Variants in LMBR1 observed in about 807,000 individuals in gnomAD.
The protein encoded by LMBR1 is limb region 1 protein homolog.
In LMBR1, 52 loss-of-function variants were observed where a neutral mutation model predicts 73.9. That is an observed-to-expected ratio of 0.70 (90% CI 0.56 to 0.89). The LOEUF is 0.89. LMBR1 is among the 40% of genes least tolerant of loss of function. The probability of loss-of-function intolerance (pLI) is 0.00; values close to 1 mark genes in which losing one functional copy is unlikely to be tolerated. For missense variants in LMBR1, 539 were observed against 579.8 expected, an observed-to-expected ratio of 0.93 and a Z score of 0.72; for synonymous variants, 215 against 209.4, an observed-to-expected ratio of 1.03 and a Z score of -0.23.
At chr7:156,758,810 A>G (rs1285977498) in intron 8 of LMBR1, among the ~76,000 whole-genome samples, 1 of 152,222 alleles carries the variant, frequency 6.6e-6, no homozygotes, top group African/African-American at 2.4e-5. Flanking sequence ...ATACCAATGC[A>G]TAATAGACTA....
chr7:156,844,891 C>T (rs1206875764), intron 1 of LMBR1, among the ~76,000 whole-genome samples: 1 of 152,142 alleles, frequency 6.6e-6, no homozygotes, highest in East Asian at 1.9e-4. Context: ...CTGAATAGTA[C>T]CTTTAATATA....
chr7:156,721,406 G>A (rs549704771), intron 15 of LMBR1, among the ~76,000 whole-genome samples: 1 of 152,118 alleles, frequency 6.6e-6, no homozygotes, highest in Admixed American at 6.6e-5. Flanking sequence ...AAAATTCACT[G>A]CAACATTCAA....
At chr7:156,805,153 T>A (rs542361891) in intron 4 of LMBR1, among the ~76,000 whole-genome samples, 1 of 152,032 alleles carries the variant, frequency 6.6e-6, no homozygotes, top group Non-Finnish European at 1.5e-5. Flanking sequence ...TATGTATGTA[T>A]CTAATCCTGG....
At chr7:156,835,170 C>T (rs942014557) in intron 2 of LMBR1, among the ~76,000 whole-genome samples, 6 of 151,958 alleles carry the variant, frequency 3.9e-5, no homozygotes, top group African/African-American at 1.4e-4. Context: ...ACCACAAACC[C>T]TCCTGGCCCC....
intron 1 of LMBR1, among the ~76,000 whole-genome samples, chr7:156,855,967 G>A (rs113762282): frequency 0.13 from 20,329 of 152,202 alleles, 1,459 homozygotes; most frequent in Non-Finnish European, 0.16. Flanking sequence ...AGGCCGAGGC[G>A]GGCAGATCAC....
At chr7:156,838,646 C>T (rs1838100191) in intron 1 of LMBR1, among the ~76,000 whole-genome samples, 1 of 152,182 alleles carries the variant, frequency 6.6e-6, no homozygotes, top group Admixed American at 6.5e-5. Context: ...GATTCAACAA[C>T]TTCACTATTG....
intron 1 of LMBR1, among the ~76,000 whole-genome samples, chr7:156,837,894 C>G (rs148170635): frequency 1.1e-3 from 160 of 150,536 alleles, no homozygotes; most frequent in Non-Finnish European, 1.5e-3. Context: ...TCAAGCGATT[C>G]TCCCATCTCA....
chr7:156,703,868 T>C (rs935574770), intron 15 of LMBR1, among the ~76,000 whole-genome samples: 9 of 152,024 alleles, frequency 5.9e-5, no homozygotes, highest in African/African-American at 2.2e-4. Flanking sequence ...ACTTCTCCCA[T>C]GGAAAAGAGG....
chr7:156,745,893 T>C (rs1477720676), intron 9 of LMBR1, among the ~76,000 whole-genome samples: 1 of 152,218 alleles, frequency 6.6e-6, no homozygotes, highest in Non-Finnish European at 1.5e-5. Context: ...ATCACTTTAC[T>C]TGTTAATATA....
chr7:156,764,495 G>A (rs578105809), intron 5 of LMBR1, among the ~76,000 whole-genome samples: 16 of 152,074 alleles, frequency 1.1e-4, no homozygotes, highest in African/African-American at 3.6e-4. Flanking sequence ...TGCAGGATAA[G>A]ACAAAAAAAG....
intron 8 of LMBR1, among the ~76,000 whole-genome samples, chr7:156,759,774 G>A (rs934572284): frequency 1.4e-4 from 21 of 151,162 alleles, no homozygotes; most frequent in South Asian, 1.0e-3. Context: ...AGAAGGGTGC[G>A]ACTGGCAAAT....
chr7:156,717,992 G>C (rs1010961775), intron 15 of LMBR1, among the ~76,000 whole-genome samples: 1 of 152,032 alleles, frequency 6.6e-6, no homozygotes, highest in Admixed American at 6.6e-5. Context: ...TTCTTTATCA[G>C]GACTATTTAT....
intron 1 of LMBR1, among the ~76,000 whole-genome samples, chr7:156,860,397 C>T (rs576085849): frequency 2.0e-5 from 3 of 152,120 alleles, no homozygotes; most frequent in Non-Finnish European, 2.9e-5. Flanking sequence ...AGACCCGCCT[C>T]GTGATTCAAT....
At position 156,781,428 on chromosome 7, in the gene LMBR1, C is replaced by T. The variant is rs147850574; in HGVS notation, c.423+14961G>A. Among the ~76,000 whole-genome samples, 591 of 152,234 alleles carry T rather than the reference C, an allele frequency of 3.9e-3. 2 individuals are homozygous for T. The highest frequency in any genetic ancestry group is 6.5e-3 in the Non-Finnish European group (439 of 68,014). On this transcript the variant is annotated intron_variant, in intron 5 of 16. Transcript: ENST00000353442. ...TGGGCCCTTCTCTCCCAGGTTTCCA[C>T]ATTTCCTGCATCTCTCAATAAATAA...
In LMBR1 at chr7:156,826,710, C is replaced by T. The variant is rs768196611; in HGVS notation, c.214G>A (p.Ala72Thr). 2.5e-6 allele frequency: 4 copies of T among 1,611,962 alleles called. No individual in the cohort carries two copies. Among genetic ancestry groups the T allele is most frequent in the Non-Finnish European group, 3.4e-6 (4 of 1,178,846 alleles). ...AAGGGTAAAAGCAAAACAGCCCCAG[C>T]TGACACTGCGAGAGTGAACGTGCTC... ...FLSTFTLAVS[A>T]GAVLLLPFSI... The change falls in exon 4 of 17, where the codon GCT (alanine) becomes ACT (threonine). Residue 72 changes from alanine to threonine, a missense_variant. Around this residue, in one of 3 missense-constraint regions of LMBR1, gnomAD observed 454 missense variants for 473.4 expected, o/e 0.96. Transcript: ENST00000353442.
chr7:156,738,549 C>G (rs182909078), intron 9 of LMBR1, among the ~76,000 whole-genome samples: 1 of 152,224 alleles, frequency 6.6e-6, no homozygotes, highest in Admixed American at 6.5e-5. Flanking sequence ...GCAGAGCTCA[C>G]AGCAAGGAAA....
intron 6 of LMBR1, 55 bp from the exon 7 acceptor site, chr7:156,763,231 TAGTC>T (rs893680916): frequency 2.2e-5 from 16 of 724,842 alleles, no homozygotes; most frequent in African/African-American, 9.3e-5. Flanking sequence ...CACATTAAGA[TAGTC>T]AGTCTATCTT....
At chr7:156,775,054 A>G (rs1195328858) in intron 5 of LMBR1, among the ~76,000 whole-genome samples, 2 of 152,114 alleles carry the variant, frequency 1.3e-5, no homozygotes, top group African/African-American at 2.4e-5. Context: ...CTACCTATCT[A>G]TCAGGTACTA....
chr7:156,795,837 C>A (rs1420367154), intron 5 of LMBR1, among the ~76,000 whole-genome samples: 3 of 152,300 alleles, frequency 2.0e-5, no homozygotes, highest in East Asian at 1.9e-4. Flanking sequence ...CAGGTGTGAG[C>A]CACTGCACCC....
Sources: allele counts gnomAD v4.1 joint callset (sites outside exome capture counted in the v4.1 genomes callset), GRCh38; gene constraint gnomAD v4.1.1; regional missense constraint gnomAD v4.1.1; transcripts MANE v1.5; gene names NCBI Gene and HGNC (gene_info 2026-07-23, HGNC 2026-07-21).